The following IQCN variants were observed in gnomAD, a reference collection of about 807,000 sequenced individuals.
The protein encoded by IQCN is IQ domain-containing protein N.
Under a neutral mutation model 64.4 loss-of-function variants are expected in IQCN, and 46 were observed. The ratio of observed to expected loss-of-function variants is 0.71; its 90% CI spans 0.56 to 0.91. The LOEUF is 0.91. Among genes scored for constraint, IQCN ranks in the 40% least tolerant of loss-of-function variants. The pLI is 0.00. For synonymous variants in IQCN, 733 were observed against 775.6 expected, an observed-to-expected ratio of 0.95 and a Z score of 0.91; for missense variants, 1,753 against 1,857.4, an observed-to-expected ratio of 0.94 and a Z score of 1.03.
chr19:18,265,533 G>A lies in IQCN; in HGVS notation c.2007C>T (p.Ala669=). 9 of 1,612,356 alleles carry A rather than the reference G, an allele frequency of 5.6e-6. No homozygotes were observed. Among genetic ancestry groups the A allele is most frequent in the Non-Finnish European group, 7.6e-6 (9 of 1,178,700 alleles). The change falls in exon 3 of 4, where the codon GCC becomes GCT. Residue 669 remains alanine, a synonymous_variant. Coordinates refer to ENST00000392413, the MANE Select transcript of IQCN (RefSeq NM_001145304.2). The surrounding 1 kb of genome is among the most constrained non-coding windows in gnomAD (Gnocchi z 4.7). ...RGQLAAPLTN[A]SSQRHPPCLS... is the part of the protein sequence containing the mutation. ...GGCAGGGTGGATGTCTCTGGGATGA[G>A]GCATTGGTCAGTGGGGCAGCCAGCT...
chr19:18,267,527 C>T lies in IQCN; in HGVS notation c.14-1G>A. On this transcript the variant is annotated splice_acceptor_variant, in intron 2 of 3. Transcript: ENST00000392413. LOFTEE classifies it high-confidence loss of function. Reference sequence around the variant, plus strand: ...TGATTACCGGACAGGTCAGCTCTGCCTGTGGGGGCGGCAGGGGGTGGTCAG... The same window carrying T: ...TGATTACCGGACAGGTCAGCTCTGCTTGTGGGGGCGGCAGGGGGTGGTCAG... 4 of 1,514,794 alleles carry T rather than the reference C, an allele frequency of 2.6e-6. No homozygotes were observed. The South Asian group carries it at 4.1e-5, about 15-fold the overall frequency. 93.8% of individuals were successfully genotyped at this position (1,514,794 alleles called of 1,614,324 possible). A position where few individuals can be genotyped will look rare whatever the true frequency, so the allele number is the denominator to read the frequency against.
chr19:18,262,967 G>A (rs1031738027), intron 3 of IQCN, among the ~76,000 whole-genome samples: 1 of 152,306 alleles, frequency 6.6e-6, no homozygotes, highest in Admixed American at 6.5e-5. Context: ...AGAACTTGTG[G>A]ATCTCAGCCT....
Position 18,257,411 on chromosome 19 carries a change from G to A in IQCN, c.3873C>T (p.Ala1291=). 1 of 1,610,478 alleles carries A rather than the reference G, an allele frequency of 6.2e-7. No homozygotes were observed. The highest frequency in any genetic ancestry group is 8.5e-7 in the Non-Finnish European group (1 of 1,179,456). ...VSWASAYQLA[A]LSPRQPHRQD... Reference sequence around the variant, plus strand: ...GGCGATGCGGCTGCCTGGGACTCAGGGCAGCCAGCTGGTAGGCGGAGGCCC... The same window carrying A: ...GGCGATGCGGCTGCCTGGGACTCAGAGCAGCCAGCTGGTAGGCGGAGGCCC... Residue 1291 remains alanine, a synonymous_variant, in exon 4 of 4, where the codon GCC becomes GCT. Transcript: ENST00000392413.
At chr19:18,272,059 TCA>T (rs1273050317) in intron 1 of IQCN, among the ~76,000 whole-genome samples, 5 of 151,890 alleles carry the variant, frequency 3.3e-5, no homozygotes, top group African/African-American at 1.2e-4. Context: ...ACTCCTGATC[TCA>T]GGTGATTCGC....
At chr19:18,260,110 C>T (rs1969392549) in intron 3 of IQCN, 2 of 152,656 alleles carry the variant, frequency 1.3e-5, no homozygotes, top group South Asian at 4.1e-4. Context: ...GCCTCCTCAT[C>T]AGCATGAGAG....
Position 18,265,333 on chromosome 19 carries a change from GC to G in IQCN, c.2206del (p.Ala736ProfsTer4). The G allele has an allele frequency of 6.2e-7, 1 of 1,614,192 alleles. No individual in the cohort carries two copies. On this transcript the variant is annotated frameshift_variant, in exon 3 of 4. Coordinates refer to ENST00000392413, the MANE Select transcript of IQCN (RefSeq NM_001145304.2). LOFTEE classifies it high-confidence loss of function. The surrounding 1 kb of genome is among the most constrained non-coding windows in gnomAD (Gnocchi z 4.7). Reference sequence around the variant, plus strand: ...GGACTGCGTCTTGGTCAGACAGGTGGCTAGAGGCGCTTGGGACTGGACCTTC... The same window carrying G: ...GGACTGCGTCTTGGTCAGACAGGTGGTAGAGGCGCTTGGGACTGGACCTTC... ...AVKVQSQAPL[A>X]TCLTKTQSRG... is the part of the protein sequence containing the mutation.
At chr19:18,258,226 G>A in intron 3 of IQCN, 120 bp from the exon 4 acceptor site, 7 of 1,100,954 alleles carry the variant, frequency 6.4e-6, no homozygotes, top group Non-Finnish European at 9.5e-6. Context: ...GAACCACTTG[G>A]GGAAGACTCA....
chr19:18,271,300 TC>T (rs1358984366), intron 1 of IQCN, among the ~76,000 whole-genome samples: 1 of 151,434 alleles, frequency 6.6e-6, no homozygotes, highest in Non-Finnish European at 1.5e-5. Context: ...TGAAACTCTG[TC>T]TCTACTAAAA....
Position 18,272,755 on chromosome 19 carries a change from C to T in IQCN, c.-110+1648G>A, listed in dbSNP as rs569033595. Among the ~76,000 whole-genome samples the T allele has an allele frequency of 8.6e-5, 13 of 151,988 alleles. No homozygotes were observed. The South Asian group carries it at 2.3e-3, about 27-fold the overall frequency. On this transcript the variant is annotated intron_variant, in intron 1 of 3. Transcript: ENST00000392413. ...CCTCCTGAGTAGCTGGGACTACAGG[C>T]GCCTGCCACCACGCCCAGTTAATAT...
At chr19:18,269,437 G>A (rs1313261632) in intron 2 of IQCN, 29 bp downstream of exon 2, 3 of 1,612,378 alleles carry the variant, frequency 1.9e-6, no homozygotes, top group Non-Finnish European at 2.5e-6. Context: ...GGACTAGCCA[G>A]ACCCCTTGCC....
Position 18,257,466 on chromosome 19 carries a change from T to C in IQCN, c.3818A>G (p.Gln1273Arg), listed in dbSNP as rs1183692211. The change falls in exon 4 of 4, where the codon CAG becomes CGG. Residue 1273 changes from glutamine (Q) to arginine (R), a missense_variant. Transcript: ENST00000392413. ...QPTRVVQGMG[Q>R]GTEGPGAVSW... Reference sequence around the variant, plus strand: ...CACTGCCCCGGGGCCCTCAGTGCCCTGGCCCATGCCCTGCACCACACGGGT... The same window carrying C: ...CACTGCCCCGGGGCCCTCAGTGCCCCGGCCCATGCCCTGCACCACACGGGT... 2.5e-6 allele frequency: 4 copies of C among 1,608,058 alleles called. No individual in the cohort carries two copies. In the East Asian group the frequency reaches 8.9e-5, roughly 36 times the overall value.
At chr19:18,258,196 G>T in intron 3 of IQCN, 90 bp from the exon 4 acceptor site, 1 of 1,408,668 alleles carries the variant, frequency 7.1e-7, no homozygotes. Flanking sequence ...GGTGACTCCT[G>T]GTTAAAAAGG....
intron 3 of IQCN, 171 bp from the exon 4 acceptor site, chr19:18,258,277 G>A (rs1969357764): frequency 1.3e-6 from 1 of 752,346 alleles, no homozygotes; most frequent in South Asian, 1.5e-5. Flanking sequence ...GCCAGCGGAG[G>A]AATGACCGAG....
intron 2 of IQCN, among the ~76,000 whole-genome samples, chr19:18,269,012 C>T (rs536337043): frequency 6.6e-6 from 1 of 150,508 alleles, no homozygotes; most frequent in East Asian, 1.9e-4. Flanking sequence ...AGCCTGTAGT[C>T]CCAGCTAGTC....
Position 18,265,063 on chromosome 19 carries a change from C to T in IQCN, c.2477G>A (p.Cys826Tyr). The change falls in exon 3 of 4, where the codon TGT (cysteine) becomes TAT (tyrosine). Residue 826 changes from cysteine to tyrosine, a missense_variant. By Grantham distance (194) the Cys-to-Tyr change is radical (BLOSUM62 -2). Coordinates refer to ENST00000392413, the MANE Select transcript of IQCN (RefSeq NM_001145304.2). This position sits in a 1 kb window ranked among gnomAD's most constrained non-coding sequence, Gnocchi z 4.7. ...CGGCACCAGCATACCCTGGACCTCA[C>T]AGGCTGCCGGGCATGGTCCCCCCTG... ...TTQGGPCPAA[C>Y]EVQGMLVPPM... 6.2e-7 allele frequency: 1 copy of T among 1,601,018 alleles called. No individual in the cohort carries two copies. The highest frequency in any genetic ancestry group is 8.5e-7 in the Non-Finnish European group (1 of 1,179,788).
chr19:18,258,543 T>C (rs781355387), intron 3 of IQCN: 10 of 411,246 alleles, frequency 2.4e-5, no homozygotes, highest in African/African-American at 4.1e-5. Context: ...CTGGAGTGGA[T>C]TGGGGACAGC....
Position 18,265,364 on chromosome 19 carries a change from C to T in IQCN, c.2176G>A (p.Ala726Thr). The T allele has an allele frequency of 6.2e-7, 1 of 1,614,144 alleles. No individual in the cohort carries two copies. Among genetic ancestry groups the T allele is most frequent in the Non-Finnish European group, 8.5e-7 (1 of 1,180,022 alleles). ...GGCGCTTGGGACTGGACCTTCACGG[C>T]ACCTGTGGCCAGATGTGTCTGGGAA... ...MHSQTHLATG[A>T]VKVQSQAPLA... The change falls in exon 3 of 4, where the codon GCC (alanine) becomes ACC (threonine). Residue 726 changes from alanine to threonine, a missense_variant. Transcript: ENST00000392413. The surrounding 1 kb of genome is among the most constrained non-coding windows in gnomAD (Gnocchi z 4.7).
chr19:18,257,701 C>T lies in IQCN; in HGVS notation c.3583G>A (p.Gly1195Ser). 6.2e-7 allele frequency: 1 copy of T among 1,604,588 alleles called. No individual in the cohort carries two copies. The highest frequency in any genetic ancestry group is 8.5e-7 in the Non-Finnish European group (1 of 1,174,596). Residue 1195 changes from glycine (G) to serine (S), a missense_variant, in exon 4 of 4, where the codon GGC (glycine) becomes AGC (serine). Gly to Ser is a moderately conservative substitution (Grantham distance 56). Transcript: ENST00000392413. ...TCAGACATGACCCCGGCCCGGCTGC[C>T]CAGCTCCACCCACGTGACGGGGTGG... is the stretch of plus-strand genomic sequence containing the variant. ...MLHPVTWVEL[G>S]SRAGVMSDRS... is the part of the protein sequence containing the mutation.
In IQCN at chr19:18,272,650, T is replaced by A. The variant is rs1272194328; in HGVS notation, c.-110+1753A>T. On this transcript the variant is annotated intron_variant, in intron 1 of 3. Transcript: ENST00000392413. ...TTTTGAGACGGAGTCTCGTTCTGTCTCCCAGGCTGGAGTGCACTGGCACCA... is the reference window on the plus strand; with the variant it reads ...TTTTGAGACGGAGTCTCGTTCTGTCACCCAGGCTGGAGTGCACTGGCACCA... Among the ~76,000 whole-genome samples the A allele has an allele frequency of 4.0e-5, 6 of 149,364 alleles. No individual in the cohort carries two copies. The East Asian group carries it at 1.2e-3, about 30-fold the overall frequency.
Sources: gnomAD v4.1 joint callset for allele counts (sites outside exome capture counted in the v4.1 genomes callset) on GRCh38, gnomAD v4.1.1 for gene constraint, Gnocchi (gnomAD v3.1) non-coding constraint, MANE v1.5 for transcripts, NCBI Gene and HGNC (gene_info 2026-07-23, HGNC 2026-07-21) for gene names.